CACNB4: variants seen among roughly 807,000 people sequenced by gnomAD.
The protein encoded by CACNB4 is calcium voltage-gated channel auxiliary subunit beta 4.
Under a neutral mutation model 71.2 loss-of-function variants are expected in CACNB4, and 32 were observed. The ratio of observed to expected loss-of-function variants is 0.45; its 90% confidence interval spans 0.34 to 0.60. The LOEUF is 0.60. CACNB4 is among the 20% of genes least tolerant of loss of function. The pLI, the probability that CACNB4 is intolerant of heterozygous loss-of-function variation, is 0.01. For missense variants in CACNB4, 464 were observed against 647.9 expected (o/e 0.72, Z 3.08); for synonymous variants, 231 against 236.9 (o/e 0.97, Z 0.23).
intron 2 of CACNB4, among the ~76,000 whole-genome samples, chr2:152,072,095 G>C (rs74607258): frequency 0.02 from 3,077 of 152,332 alleles, 106 homozygotes; most frequent in African/African-American, 0.07. Context: ...TTAATTTACA[G>C]TTAGATGACA....
Position 152,098,735 on chromosome 2 carries a change from C to T in CACNB4, c.63+214G>A. ...GCTCCGGAGCGGGAGCGCAGAGACC[C>T]GAAGGAGGGTGAGGAGGAGGAGGAA... On this transcript the variant is annotated intron_variant, in intron 1 of 13. Transcript: ENST00000539935. The surrounding 1 kb of genome is among the most constrained non-coding windows in gnomAD (Gnocchi z 5.3). 3.9e-6 allele frequency: 6 copies of T among 1,538,314 alleles called. No individual in the cohort carries two copies. Among genetic ancestry groups the T allele is most frequent in the Non-Finnish European group, 5.3e-6 (6 of 1,137,936 alleles).
chr2:152,096,619 A>G (rs769081659), intron 2 of CACNB4, among the ~76,000 whole-genome samples: 42 of 152,216 alleles, frequency 2.8e-4, no homozygotes, highest in Non-Finnish European at 5.6e-4. Context: ...GATGAAATAT[A>G]TTTATTTAAA....
intron 2 of CACNB4, among the ~76,000 whole-genome samples, chr2:152,038,224 T>A (rs1026415158): frequency 1.3e-5 from 2 of 152,162 alleles, no homozygotes; most frequent in Non-Finnish European, 1.5e-5. Flanking sequence ...AAAAGTCTTG[T>A]AAAGTAAGGG....
At position 152,079,408 on chromosome 2, in the gene CACNB4, A is replaced by G. The variant is rs536011581; in HGVS notation, c.147+18922T>C. On this transcript the variant is annotated intron_variant, in intron 2 of 13. Coordinates refer to ENST00000539935, the MANE Select transcript of CACNB4 (RefSeq NM_000726.5). ...CGGCCGTGTTGTTGTTGTTGTTGTT[A>G]TTGTTTTAGAGAAGTATTTATTATT... is the stretch of plus-strand genomic sequence containing the variant. Among the ~76,000 whole-genome samples, 4 of 151,188 alleles carry G rather than the reference A, an allele frequency of 2.6e-5. No individual in the cohort carries two copies. In the East Asian group the frequency reaches 6.0e-4, roughly 23 times the overall value.
chr2:151,985,670 ATTTTCT>A, intron 2 of CACNB4, among the ~76,000 whole-genome samples: 1 of 107,662 alleles, frequency 9.3e-6, no homozygotes. Context: ...CGCTGCCTTA[ATTTTCT>A]TTTTTTTTTT....
chr2:152,063,916 G>A (rs1686155454), intron 2 of CACNB4, among the ~76,000 whole-genome samples: 1 of 152,138 alleles, frequency 6.6e-6, no homozygotes, highest in African/African-American at 2.4e-5. Flanking sequence ...TTCAAATCTT[G>A]GCAGTCATTC....
intron 9 of CACNB4, 131 bp from the exon 10 acceptor site, chr2:151,860,951 A>C: frequency 1.6e-6 from 1 of 639,252 alleles, no homozygotes; most frequent in South Asian, 1.9e-5. Context: ...AACATTGGCC[A>C]CAAGTATTTT....
chr2:152,094,762 G>C (rs943342343), intron 2 of CACNB4, among the ~76,000 whole-genome samples: 2 of 152,152 alleles, frequency 1.3e-5, no homozygotes, highest in African/African-American at 2.4e-5. Flanking sequence ...CATAGTGCTA[G>C]GCACATAGCA....
At chr2:152,041,041 G>A (rs1684845910) in intron 2 of CACNB4, among the ~76,000 whole-genome samples, 1 of 152,176 alleles carries the variant, frequency 6.6e-6, no homozygotes, top group Non-Finnish European at 1.5e-5. Context: ...AGCCTTTTGG[G>A]CCCTTTGGGA....
At chr2:151,970,143 GTC>G (rs1486266790) in intron 2 of CACNB4, 1 of 152,160 alleles carries the variant, frequency 6.6e-6, no homozygotes, top group Admixed American at 6.5e-5. Context: ...ATTCCAGAAG[GTC>G]CATGTAGGAG....
chr2:151,939,849 C>G (rs181180422), intron 2 of CACNB4, among the ~76,000 whole-genome samples: 3 of 151,948 alleles, frequency 2.0e-5, no homozygotes, highest in East Asian at 3.9e-4. Context: ...AAAAGCTATA[C>G]AAATGGAAGG....
At chr2:151,974,815 CAA>C (rs35540920) in intron 2 of CACNB4, among the ~76,000 whole-genome samples, 7 of 138,014 alleles carry the variant, frequency 5.1e-5, no homozygotes, top group African/African-American at 1.5e-4. Context: ...TCTGGTCAAC[CAA>C]AAAAAAAAAA....
chr2:151,990,016 C>T (rs1240338858), intron 2 of CACNB4, among the ~76,000 whole-genome samples: 1 of 152,142 alleles, frequency 6.6e-6, no homozygotes, highest in Non-Finnish European at 1.5e-5. Context: ...TGACAGCCTC[C>T]TTACCAGTCT....
In CACNB4 at chr2:152,099,013, G is replaced by T. The variant is rs1688446378; in HGVS notation, c.-2C>A. 6.6e-7 allele frequency: 1 copy of T among 1,525,734 alleles called. No homozygotes were observed. The allele number at this position is 1,525,734 out of a possible 1,614,324, so 94.5% of individuals were successfully genotyped here. On this transcript the variant is annotated 5_prime_UTR_variant, in exon 1 of 14. Coordinates refer to ENST00000539935, the MANE Select transcript of CACNB4 (RefSeq NM_000726.5). ...CTTGGCGTAGGAGGAGGAGGACATC[G>T]TTCAGAGCCGCCGCATGGCCAGCCC...
At position 151,839,055 on chromosome 2, in the gene CACNB4, T is replaced by G; in HGVS notation, c.*64A>C. ...TGCTATGTTAGCCAAGTTAAGATGA[T>G]TGGTTTATCCTAGCACTGCTATGGC... On this transcript the variant is annotated 3_prime_UTR_variant, in exon 14 of 14. Transcript: ENST00000539935. 7.1e-7 allele frequency: 1 copy of G among 1,399,000 alleles called. No homozygotes were observed. The highest frequency in any genetic ancestry group is 9.9e-7 in the Non-Finnish European group (1 of 1,014,040). The allele number at this position is 1,399,000 out of a possible 1,614,324, so 86.7% of individuals were successfully genotyped here. A position where few individuals can be genotyped will look rare whatever the true frequency, so the allele number is the denominator to read the frequency against.
chr2:152,098,247 G>T lies in CACNB4; in HGVS notation c.147+83C>A. 1 of 1,102,278 alleles carries T rather than the reference G, an allele frequency of 9.1e-7. No homozygotes were observed. The allele number at this position is 1,102,278 out of a possible 1,614,324, so 68.3% of individuals were successfully genotyped here. A position where few individuals can be genotyped will look rare whatever the true frequency, so the allele number is the denominator to read the frequency against. On this transcript the variant is annotated intron_variant, in intron 2 of 13. Coordinates refer to ENST00000539935, the MANE Select transcript of CACNB4 (RefSeq NM_000726.5). This position sits in a 1 kb window ranked among gnomAD's most constrained non-coding sequence, Gnocchi z 5.3. The stretch of plus-strand genomic sequence containing the variant: ...CGGGCTTGACCCGCAGCTCCCGCAC[G>T]TGTGGGCCACGGCCGGCTCCAGGAC...
intron 2 of CACNB4, among the ~76,000 whole-genome samples, chr2:151,907,279 A>T (rs2099855062): frequency 6.6e-6 from 1 of 152,214 alleles, no homozygotes; most frequent in Non-Finnish European, 1.5e-5. Flanking sequence ...CAAAAGCTTT[A>T]GTTTATGTTC....
At chr2:151,913,887 C>T (rs1243641233) in intron 2 of CACNB4, among the ~76,000 whole-genome samples, 1 of 152,056 alleles carries the variant, frequency 6.6e-6, no homozygotes, top group East Asian at 1.9e-4. Context: ...CCTGGCCTTA[C>T]TCTCTGGCTG....
intron 2 of CACNB4, among the ~76,000 whole-genome samples, chr2:152,032,643 T>G (rs1462127055): frequency 6.6e-6 from 1 of 152,176 alleles, no homozygotes. Flanking sequence ...AAAGAAAGTC[T>G]CAATATACTT....
Sources: gnomAD v4.1 joint callset for allele counts (sites outside exome capture counted in the v4.1 genomes callset) on GRCh38, gnomAD v4.1.1 for gene constraint, Gnocchi (gnomAD v3.1) non-coding constraint, MANE v1.5 for transcripts, NCBI Gene and HGNC (gene_info 2026-07-23, HGNC 2026-07-21) for gene names.